KMT2E: variants seen among roughly 807,000 people sequenced by gnomAD.
KMT2E encodes histone reader KMT2E.
KMT2E carries 30 observed loss-of-function variants against 184.6 expected under a neutral mutation model. The observed-to-expected ratio is 0.16, with a 90% CI of 0.12 to 0.22. KMT2E has a LOEUF of 0.22. KMT2E is among the 10% of genes least tolerant of loss of function. The probability of loss-of-function intolerance (pLI) is 1.00; values close to 1 mark genes in which losing one functional copy is unlikely to be tolerated. For missense variants in KMT2E, 2,023 were observed against 2,237.4 expected, an observed-to-expected ratio of 0.90 and a Z score of 1.93; for synonymous variants, 815 against 776.5, an observed-to-expected ratio of 1.05 and a Z score of -0.82.
At chr7:105,033,693 G>T (rs1275795680) in intron 1 of KMT2E, among the ~76,000 whole-genome samples, 2 of 152,078 alleles carry the variant, frequency 1.3e-5, no homozygotes, top group Non-Finnish European at 2.9e-5. Context: ...TAAAGATGGG[G>T]TTTCGCTGTG....
intron 12 of KMT2E, among the ~76,000 whole-genome samples, chr7:105,079,192 A>G (rs979593718): frequency 9.3e-5 from 14 of 151,038 alleles, no homozygotes; most frequent in African/African-American, 2.9e-4. Flanking sequence ...CTGGAATACA[A>G]TGGCACGATC....
intron 3 of KMT2E, among the ~76,000 whole-genome samples, chr7:105,044,197 G>A (rs1340715821): frequency 6.6e-6 from 1 of 152,016 alleles, no homozygotes; most frequent in Non-Finnish European, 1.5e-5. Flanking sequence ...TATAAATTTA[G>A]GACTACCAGA....
At chr7:105,031,738 T>C (rs1795427759) in intron 1 of KMT2E, among the ~76,000 whole-genome samples, 1 of 143,414 alleles carries the variant, frequency 7.0e-6, no homozygotes, top group Admixed American at 7.0e-5. Context: ...GGTGACAGAG[T>C]GAAACTGTCT....
At chr7:105,096,247 C>CAAA (rs11330758) in intron 15 of KMT2E, among the ~76,000 whole-genome samples, 76 of 69,154 alleles carry the variant, frequency 1.1e-3, no homozygotes, top group Non-Finnish European at 1.4e-3. Context: ...GTGAAAGGCT[C>CAAA]AAAAAAAAAA....
chr7:105,066,919 T>C (rs1184716941), intron 6 of KMT2E, 112 bp downstream of exon 6: 2 of 772,770 alleles, frequency 2.6e-6, no homozygotes, highest in South Asian at 1.5e-5. Context: ...CAGCCGGGCA[T>C]GGTGGCTCAT....
chr7:105,051,502 G>A (rs1363449147), intron 3 of KMT2E, among the ~76,000 whole-genome samples: 4 of 152,082 alleles, frequency 2.6e-5, no homozygotes. Flanking sequence ...TTCTTTAAAT[G>A]GCTACATCTC....
chr7:105,093,460 T>A (rs1328376165), intron 15 of KMT2E, among the ~76,000 whole-genome samples: 1 of 152,020 alleles, frequency 6.6e-6, no homozygotes. Flanking sequence ...GACGGGTGGA[T>A]CATCTGAGGT....
rs752566081 is a variant in KMT2E at position 105,112,951 on chromosome 7, A to G, written c.5195A>G (p.His1732Arg). ...PPSSVLASGH[H>R]TTSAQALHHP... ...TCCAGTGTTTTGGCTTCTGGGCATCATACCACATCAGCTCAAGCCTTACAC... is the reference window on the plus strand; with the variant it reads ...TCCAGTGTTTTGGCTTCTGGGCATCGTACCACATCAGCTCAAGCCTTACAC... Residue 1732 changes from histidine to arginine, a missense_variant, in exon 27 of 27, where the codon CAT becomes CGT. By Grantham distance (29) the His-to-Arg change is conservative. Coordinates refer to ENST00000311117, the MANE Select transcript of KMT2E (RefSeq NM_182931.3). 47 of 1,613,570 alleles carry G rather than the reference A, an allele frequency of 2.9e-5. No homozygotes were observed. Among genetic ancestry groups the G allele is most frequent in the Admixed American group, 8.3e-5 (5 of 59,940 alleles).
chr7:105,088,926 C>T (rs1327780995), intron 13 of KMT2E, among the ~76,000 whole-genome samples: 1 of 152,130 alleles, frequency 6.6e-6, no homozygotes, highest in Non-Finnish European at 1.5e-5. Flanking sequence ...CCGGTTGTTG[C>T]TATCATTCTT....
chr7:105,109,255 CTG>C, intron 23 of KMT2E, 27 bp downstream of exon 23: 1 of 1,598,266 alleles, frequency 6.3e-7, no homozygotes, highest in Non-Finnish European at 8.5e-7. Context: ...GTATGCTACT[CTG>C]GAAAAAACAA....
intron 22 of KMT2E, among the ~76,000 whole-genome samples, chr7:105,108,129 G>C (rs1168856408): frequency 2.0e-5 from 3 of 151,960 alleles, no homozygotes; most frequent in African/African-American, 7.3e-5. Context: ...AGTAATATGG[G>C]AAATCCTTGT....
chr7:105,024,718 T>G (rs905559209), intron 1 of KMT2E, among the ~76,000 whole-genome samples: 1 of 152,216 alleles, frequency 6.6e-6, no homozygotes, highest in African/African-American at 2.4e-5. Context: ...AGTTACATAG[T>G]GGTTAATCAA....
At chr7:105,086,517 G>A (rs1273752020) in intron 13 of KMT2E, among the ~76,000 whole-genome samples, 1 of 152,032 alleles carries the variant, frequency 6.6e-6, no homozygotes, top group Non-Finnish European at 1.5e-5. Flanking sequence ...TTGAGGTCAG[G>A]AGATCGAGAC....
At chr7:105,103,048 T>C (rs1268577451) in intron 17 of KMT2E, 1 of 152,216 alleles carries the variant, frequency 6.6e-6, no homozygotes, top group Non-Finnish European at 1.5e-5. Flanking sequence ...ATTAAAAGTC[T>C]GTACTCTCCT....
intron 1 of KMT2E, among the ~76,000 whole-genome samples, chr7:105,018,402 G>A (rs1399490985): frequency 6.6e-6 from 1 of 152,074 alleles, no homozygotes; most frequent in African/African-American, 2.4e-5. Flanking sequence ...ATCTCCAAAG[G>A]ATTTGTTTTT....
At position 105,090,363 on chromosome 7, in the gene KMT2E, TTAAAG is replaced by T; in HGVS notation, c.1623+93_1623+97del. 2.9e-6 allele frequency: 4 copies of T among 1,388,228 alleles called. No homozygotes were observed. The South Asian group carries it at 4.1e-5, about 14-fold the overall frequency. The allele number at this position is 1,388,228 out of a possible 1,614,324, so 86.0% of individuals were successfully genotyped here. A position where few individuals can be genotyped will look rare whatever the true frequency, so the allele number is the denominator to read the frequency against. ...TCTTCTTTGTTCTATGTATAATTGTTTAAAGTATTTTTAAGTCCATTCTGTCATTT... is the reference window on the plus strand; with the variant it reads ...TCTTCTTTGTTCTATGTATAATTGTTTATTTTTAAGTCCATTCTGTCATTT... On this transcript the variant is annotated intron_variant, in intron 14 of 26. Transcript: ENST00000311117.
intron 3 of KMT2E, among the ~76,000 whole-genome samples, chr7:105,043,668 T>C (rs983757507): frequency 6.6e-6 from 1 of 152,214 alleles, no homozygotes; most frequent in African/African-American, 2.4e-5. Flanking sequence ...TCCAGAAAAA[T>C]GTGGCAATAT....
At chr7:105,035,779 G>A (rs1243175314) in intron 1 of KMT2E, among the ~76,000 whole-genome samples, 1 of 151,632 alleles carries the variant, frequency 6.6e-6, no homozygotes, top group Non-Finnish European at 1.5e-5. Flanking sequence ...GGCTGGTCTC[G>A]AACTTCTGAC....
chr7:105,036,572 C>T (rs185937863), intron 1 of KMT2E, among the ~76,000 whole-genome samples: 29 of 152,240 alleles, frequency 1.9e-4, no homozygotes, highest in African/African-American at 6.7e-4. Flanking sequence ...GAACTTTGGA[C>T]AAGTTTAACC....
Sources: allele counts gnomAD v4.1 joint callset (sites outside exome capture counted in the v4.1 genomes callset), GRCh38; gene constraint gnomAD v4.1.1; transcripts MANE v1.5; gene names NCBI Gene and HGNC (gene_info 2026-07-23, HGNC 2026-07-21).